Variants in LAMTOR5 observed in about 807,000 individuals in gnomAD.
LAMTOR5 encodes the protein late endosomal/lysosomal adaptor, MAPK and MTOR activator 5, also known as ragulator complex protein LAMTOR5.
Under a neutral mutation model 12.1 loss-of-function variants are expected in LAMTOR5, and 8 were observed. The ratio of observed to expected loss-of-function variants is 0.66; its 90% CI spans 0.39 to 1.19. The LOEUF (loss-of-function observed/expected upper bound fraction) is 1.19, where lower values mean the gene tolerates loss of function less well. Ranked by LOEUF, LAMTOR5 falls within the 50% of genes most tolerant of loss-of-function variation. The pLI, the probability that LAMTOR5 is intolerant of heterozygous loss-of-function variation, is 0.01. For missense variants in LAMTOR5, 110 were observed against 112.8 expected (o/e 0.97, Z 0.11); for synonymous variants, 37 against 41.9 (o/e 0.88, Z 0.45).
At chr1:110,403,391 T>C (rs1039792153) in intron 3 of LAMTOR5, among the ~76,000 whole-genome samples, 2 of 152,102 alleles carry the variant, frequency 1.3e-5, no homozygotes, top group African/African-American at 2.4e-5. Flanking sequence ...GGCAAATTAC[T>C]GGAGCCCAGG....
rs1663361537 is a variant in LAMTOR5 at position 110,407,590 on chromosome 1, C to T, written c.31G>A (p.Asp11Asn). The stretch of plus-strand genomic sequence containing the variant: ...GAAGAGGCGCGCACTACTCACGTGT[C>T]TTCCAAGTGCTGCTCCAAGGTCGCC... MEATLEQHLE[D>N]TMKNPSIVGV... Residue 11 changes from aspartate (D) to asparagine (N), a missense_variant, in exon 1 of 4, where the codon GAC becomes AAC. Transcript: ENST00000602318. 1.2e-6 allele frequency: 2 copies of T among 1,613,940 alleles called. No individual in the cohort carries two copies. The highest frequency in any genetic ancestry group is 1.7e-5 in the Admixed American group (1 of 60,000).
intron 1 of LAMTOR5, chr1:110,407,030 T>C (rs906840596): frequency 4.3e-6 from 3 of 696,738 alleles, no homozygotes; most frequent in South Asian, 1.5e-5. Context: ...AAACTCAAGT[T>C]ACCTCCTGGA....
rs1663223526 is a variant in LAMTOR5, at chr1:110,401,260, CCAAA to C, written c.*259_*262del. The C allele has an allele frequency of 3.2e-6, 1 of 310,854 alleles. No individual in the cohort carries two copies. The highest frequency in any genetic ancestry group is 5.8e-6 in the Non-Finnish European group (1 of 171,570). The allele number at this position is 310,854 out of a possible 1,614,324, so 19.3% of individuals were successfully genotyped here. A position where few individuals can be genotyped will look rare whatever the true frequency, so the allele number is the denominator to read the frequency against. On this transcript the variant is annotated 3_prime_UTR_variant, in exon 4 of 4. Coordinates refer to ENST00000602318, the MANE Select transcript of LAMTOR5 (RefSeq NM_001382293.1). ...GAATCTAGAAAAGATCCATTTTCCT[CCAAA>C]CAGATTTATTGAATACAGCAAAATT... is the stretch of plus-strand genomic sequence containing the variant.
chr1:110,403,278 C>T (rs1362987222), intron 3 of LAMTOR5, among the ~76,000 whole-genome samples: 2 of 152,034 alleles, frequency 1.3e-5, no homozygotes, highest in African/African-American at 4.8e-5. Flanking sequence ...TTCTGAGGAC[C>T]ATCACTTGGA....
intron 2 of LAMTOR5, among the ~76,000 whole-genome samples, chr1:110,405,199 CAT>C (rs1390718783): frequency 6.6e-6 from 1 of 151,850 alleles, no homozygotes; most frequent in East Asian, 1.9e-4. Context: ...TCGCTCTTGT[CAT>C]CCAGGCTGGA....
In LAMTOR5 at chr1:110,404,557, T is replaced by C. The variant is rs139680660; in HGVS notation, c.98-521A>G. Among the ~76,000 whole-genome samples the C allele has an allele frequency of 2.9e-3, 442 of 152,332 alleles. 4 individuals are homozygous for C. Among genetic ancestry groups the C allele is most frequent in the African/African-American group, 0.01 (426 of 41,568 alleles). ...CACCGATTACCTCTTTCAGTTACCCTTCCAGCAAAAATTCAGAGCTTTAAA... is the reference window on the plus strand; with the variant it reads ...CACCGATTACCTCTTTCAGTTACCCCTCCAGCAAAAATTCAGAGCTTTAAA... On this transcript the variant is annotated intron_variant, in intron 2 of 3. Transcript: ENST00000602318.
chr1:110,402,465 C>T (rs1663249157), intron 3 of LAMTOR5, among the ~76,000 whole-genome samples: 1 of 152,132 alleles, frequency 6.6e-6, no homozygotes, highest in African/African-American at 2.4e-5. Context: ...TAGGCTGTCT[C>T]ACACTCCTTA....
intron 1 of LAMTOR5, chr1:110,407,044 T>TA: frequency 1.4e-6 from 1 of 698,830 alleles, no homozygotes; most frequent in East Asian, 2.7e-5. Flanking sequence ...TCCTGGAGGG[T>TA]AAGTGGAAGC....
At chr1:110,406,928 G>A (rs1663342413) in intron 1 of LAMTOR5, 2 of 534,654 alleles carry the variant, frequency 3.7e-6, no homozygotes, top group South Asian at 2.7e-5. Context: ...GTTCTGGAGG[G>A]CCACAAACAC....
chr1:110,406,553 G>A lies in LAMTOR5; in HGVS notation c.36-174C>T, dbSNP rs148386367. The A allele has an allele frequency of 1.4e-4, 64 of 444,226 alleles. No homozygotes were observed. In the East Asian group the frequency reaches 2.4e-3, roughly 17 times the overall value. The allele number at this position is 444,226 out of a possible 1,614,324, so 27.5% of individuals were successfully genotyped here. Reference sequence around the variant, plus strand: ...AAAATTAAGTTCTAGGGCCGGGCGCGGTTGCTCACGCCTGTAATCCCAGCA... The same window carrying A: ...AAAATTAAGTTCTAGGGCCGGGCGCAGTTGCTCACGCCTGTAATCCCAGCA... On this transcript the variant is annotated intron_variant, in intron 1 of 3. Coordinates refer to ENST00000602318, the MANE Select transcript of LAMTOR5 (RefSeq NM_001382293.1).
At chr1:110,402,691 T>A (rs1315270963) in intron 3 of LAMTOR5, among the ~76,000 whole-genome samples, 1 of 152,206 alleles carries the variant, frequency 6.6e-6, no homozygotes, top group African/African-American at 2.4e-5. Flanking sequence ...GTTACTGCCC[T>A]GGATGACCTT....
chr1:110,403,808 T>C, intron 3 of LAMTOR5, 111 bp downstream of exon 3: 1 of 1,474,580 alleles, frequency 6.8e-7, no homozygotes, highest in Non-Finnish European at 9.0e-7. Context: ...TAAGAACTTT[T>C]CCCAAAGTAG....
chr1:110,401,463 G>A lies in LAMTOR5; in HGVS notation c.*60C>T, dbSNP rs892424880. On this transcript the variant is annotated 3_prime_UTR_variant, in exon 4 of 4. Transcript: ENST00000602318. Reference sequence around the variant, plus strand: ...ACTGGAACTTTAGTAGTTCTATAAGGTAATTAACATAGGTAGGATCCAGTT... The same window carrying A: ...ACTGGAACTTTAGTAGTTCTATAAGATAATTAACATAGGTAGGATCCAGTT... 1.8e-5 allele frequency: 28 copies of A among 1,547,766 alleles called. No homozygotes were observed. The African/African-American group carries it at 3.3e-4, about 18-fold the overall frequency.
At chr1:110,402,572 A>C (rs1663250926) in intron 3 of LAMTOR5, among the ~76,000 whole-genome samples, 1 of 152,088 alleles carries the variant, frequency 6.6e-6, no homozygotes. Flanking sequence ...TTTAGAGTAT[A>C]CTACTCCTAC....
chr1:110,407,349 C>T (rs955124907), intron 1 of LAMTOR5: 2 of 609,990 alleles, frequency 3.3e-6, no homozygotes, highest in Non-Finnish European at 5.7e-6. Context: ...TGGCCCGTGG[C>T]CTGGGCCCGG....
upstream of LAMTOR5, chr1:110,407,790 C>G (rs760799296): frequency 6.2e-7 from 1 of 1,614,142 alleles, no homozygotes. Flanking sequence ...CATCACTGCG[C>G]TTCCGTCGCA....
chr1:110,407,502 G>C (rs1663358858), intron 1 of LAMTOR5, 84 bp downstream of exon 1: 1 of 1,505,142 alleles, frequency 6.6e-7, no homozygotes, highest in Admixed American at 1.9e-5. Flanking sequence ...CGCCCTGGCC[G>C]GTACTCGCAG....
intron 1 of LAMTOR5, 160 bp from the exon 2 acceptor site, chr1:110,406,539 C>A (rs1663333349): frequency 2.0e-6 from 1 of 505,712 alleles, no homozygotes. Context: ...AAATTAAGTT[C>A]TAGGGCCGGG....
At chr1:110,407,346 TG>T in intron 1 of LAMTOR5, 2 of 604,876 alleles carry the variant, frequency 3.3e-6, no homozygotes, top group East Asian at 5.5e-5. Flanking sequence ...TTTTGGCCCG[TG>T]GCCTGGGCCC....
Sources: allele counts gnomAD v4.1 joint callset (sites outside exome capture counted in the v4.1 genomes callset), GRCh38; gene constraint gnomAD v4.1.1; transcripts MANE v1.5; gene names NCBI Gene and HGNC (gene_info 2026-07-23, HGNC 2026-07-21).